Variants in GMDS observed in about 807,000 individuals in gnomAD.
GMDS encodes the protein GDP-mannose 4,6 dehydratase.
A neutral mutation model predicts 49.9 loss-of-function variants in GMDS; 20 were observed. The observed-to-expected ratio is 0.40, with a 90% CI of 0.28 to 0.58. The LOEUF (loss-of-function observed/expected upper bound fraction) is 0.58, where lower values mean the gene tolerates loss of function less well. GMDS is among the 20% of genes least tolerant of loss of function. GMDS has a pLI of 0.42. For synonymous variants in GMDS, 177 were observed against 178.6 expected, an observed-to-expected ratio of 0.99 and a Z score of 0.07; for missense variants, 362 against 481.4, an observed-to-expected ratio of 0.75 and a Z score of 2.32.
intron 4 of GMDS, among the ~76,000 whole-genome samples, chr6:2,060,624 G>A (rs1042655605): frequency 1.3e-5 from 2 of 152,170 alleles, no homozygotes; most frequent in Non-Finnish European, 2.9e-5. Context: ...TGTAGAGTAC[G>A]TTAGATAGTG....
At chr6:2,049,729 C>T (rs12663387) in intron 4 of GMDS, among the ~76,000 whole-genome samples, 1 of 152,146 alleles carries the variant, frequency 6.6e-6, no homozygotes, top group South Asian at 2.1e-4. Flanking sequence ...AGCGATGCCT[C>T]AAAACCGCAC....
chr6:1,701,669 C>T (rs1765548390), intron 9 of GMDS, among the ~76,000 whole-genome samples: 1 of 151,962 alleles, frequency 6.6e-6, no homozygotes, highest in Non-Finnish European at 1.5e-5. Flanking sequence ...TTTTATTTTC[C>T]AACGTTAATC....
chr6:1,634,944 T>C (rs555211914), intron 9 of GMDS, among the ~76,000 whole-genome samples: 2 of 152,256 alleles, frequency 1.3e-5, no homozygotes, highest in East Asian at 3.9e-4. Flanking sequence ...AGAGAACTCC[T>C]AGGATTTTCA....
chr6:1,650,106 C>T (rs1445509888), intron 9 of GMDS, among the ~76,000 whole-genome samples: 1 of 152,176 alleles, frequency 6.6e-6, no homozygotes, highest in Non-Finnish European at 1.5e-5. Context: ...CATCTAGGTT[C>T]CCTCGGCCAC....
chr6:2,185,527 G>A (rs912861484), intron 1 of GMDS, among the ~76,000 whole-genome samples: 1 of 152,132 alleles, frequency 6.6e-6, no homozygotes, highest in African/African-American at 2.4e-5. Flanking sequence ...CGAGTGTCTG[G>A]AGCCAACAAC....
intron 4 of GMDS, among the ~76,000 whole-genome samples, chr6:2,057,568 C>A (rs1000430997): frequency 1.3e-5 from 2 of 152,166 alleles, no homozygotes; most frequent in African/African-American, 4.8e-5. Flanking sequence ...AATATCTATT[C>A]TCAAAATCAT....
chr6:1,702,958 T>C (rs949997730), intron 9 of GMDS, among the ~76,000 whole-genome samples: 6 of 152,104 alleles, frequency 3.9e-5, no homozygotes, highest in Non-Finnish European at 8.8e-5. Flanking sequence ...TCACTCTCCG[T>C]GAGGATTTCC....
intron 7 of GMDS, among the ~76,000 whole-genome samples, chr6:1,925,257 T>TA (rs1761935597): frequency 6.6e-6 from 1 of 152,248 alleles, no homozygotes; most frequent in Non-Finnish European, 1.5e-5. Context: ...TATAATTTAA[T>TA]ATAGCTGTAT....
chr6:1,858,802 C>T (rs1049619580), intron 7 of GMDS, among the ~76,000 whole-genome samples: 2 of 152,064 alleles, frequency 1.3e-5, no homozygotes, highest in South Asian at 2.1e-4. Context: ...CTTATGAGAA[C>T]GTAATAAAAA....
At chr6:1,845,104 C>T (rs1175468274) in intron 7 of GMDS, among the ~76,000 whole-genome samples, 1 of 152,152 alleles carries the variant, frequency 6.6e-6, no homozygotes, top group East Asian at 1.9e-4. Flanking sequence ...AAAGTAGAAA[C>T]ATCTGAAATA....
In GMDS at chr6:2,245,522, C is replaced by G. The variant is rs1241315213; in HGVS notation, c.-100G>C. The G allele has an allele frequency of 3.4e-6, 2 of 583,874 alleles. No individual in the cohort carries two copies. The highest frequency in any genetic ancestry group is 2.0e-5 in the African/African-American group (1 of 50,542). The allele number at this position is 583,874 out of a possible 1,614,324, so 36.2% of individuals were successfully genotyped here. On this transcript the variant is annotated 5_prime_UTR_variant, in exon 1 of 11. Coordinates refer to ENST00000380815, the MANE Select transcript of GMDS (RefSeq NM_001500.4). The stretch of plus-strand genomic sequence containing the variant: ...GGGGTGTGCAGCACGAAGCGCCTCT[C>G]CAGGCTGCGGGCAGGGAGGGAGAGC...
chr6:1,963,166 C>G (rs1208208182), intron 4 of GMDS, among the ~76,000 whole-genome samples: 1 of 151,114 alleles, frequency 6.6e-6, no homozygotes, highest in East Asian at 1.9e-4. Context: ...TGAGCCACCA[C>G]GCCCAGCCTA....
chr6:2,031,966 C>T (rs985829212), intron 4 of GMDS, among the ~76,000 whole-genome samples: 1 of 152,152 alleles, frequency 6.6e-6, no homozygotes, highest in African/African-American at 2.4e-5. Flanking sequence ...ATTTTTATTA[C>T]TGCCTAATTT....
chr6:2,060,211 C>T (rs1030767448), intron 4 of GMDS, among the ~76,000 whole-genome samples: 1 of 152,116 alleles, frequency 6.6e-6, no homozygotes, highest in Non-Finnish European at 1.5e-5. Flanking sequence ...GTACTGTTCC[C>T]GGGTCCCTGC....
At chr6:2,009,704 A>T (rs1767427109) in intron 4 of GMDS, among the ~76,000 whole-genome samples, 1 of 152,222 alleles carries the variant, frequency 6.6e-6, no homozygotes, top group African/African-American at 2.4e-5. Flanking sequence ...ACTGGTAAAG[A>T]TACTAAAAAA....
Position 2,147,203 on chromosome 6 carries a change from T to C in GMDS, c.103-22472A>G, listed in dbSNP as rs180791082. 1.0e-3 allele frequency among the ~76,000 whole-genome samples: 155 copies of C among 152,342 alleles called. 1 individual carries two copies. Among genetic ancestry groups the C allele is most frequent in the African/African-American group, 3.5e-3 (147 of 41,578 alleles). Reference sequence around the variant, plus strand: ...AAAACAGTACTATTCAGAAAGCTGTTTGGTTTTGATGAAACCTTAAAAAAG... The same window carrying C: ...AAAACAGTACTATTCAGAAAGCTGTCTGGTTTTGATGAAACCTTAAAAAAG... On this transcript the variant is annotated intron_variant, in intron 1 of 10. Coordinates refer to ENST00000380815, the MANE Select transcript of GMDS (RefSeq NM_001500.4).
At chr6:2,099,776 G>A (rs1298858901) in intron 4 of GMDS, among the ~76,000 whole-genome samples, 2 of 151,980 alleles carry the variant, frequency 1.3e-5, no homozygotes, top group Admixed American at 6.5e-5. Flanking sequence ...TTTATATAAA[G>A]TTTTAAATAT....
intron 7 of GMDS, among the ~76,000 whole-genome samples, chr6:1,887,588 G>A (rs79521839): frequency 4.6e-5 from 7 of 152,052 alleles, no homozygotes; most frequent in Non-Finnish European, 8.8e-5. Flanking sequence ...CTTCTCTACC[G>A]GTTCCTTTCC....
rs528779087 is a variant in GMDS at position 1,626,906 on chromosome 6, A to G, written c.988-2366T>C. 7.9e-5 allele frequency among the ~76,000 whole-genome samples: 12 copies of G among 152,394 alleles called. No homozygotes were observed. The South Asian group carries it at 2.5e-3, about 32-fold the overall frequency. On this transcript the variant is annotated intron_variant, in intron 9 of 10. Coordinates refer to ENST00000380815, the MANE Select transcript of GMDS (RefSeq NM_001500.4). The stretch of plus-strand genomic sequence containing the variant: ...AACAGACCTTGCTACCATACACTGT[A>G]AAAGTATTTCATTGAAACCAGAGAC...
Sources: gnomAD v4.1 joint callset for allele counts (sites outside exome capture counted in the v4.1 genomes callset) on GRCh38, gnomAD v4.1.1 for gene constraint, MANE v1.5 for transcripts, NCBI Gene and HGNC (gene_info 2026-07-23, HGNC 2026-07-21) for gene names.